Variants in MAP3K7CL observed in about 807,000 individuals in gnomAD.
MAP3K7CL encodes MAP3K7 C-terminal like.
In MAP3K7CL, 16 loss-of-function variants were observed where a neutral mutation model predicts 18.6. The observed-to-expected ratio is 0.86, with a 90% CI of 0.58 to 1.31. The LOEUF is 1.31. Among genes scored for constraint, MAP3K7CL ranks in the 50% most tolerant of loss-of-function variants. The pLI, the probability that MAP3K7CL is intolerant of heterozygous loss-of-function variation, is 0.00. For synonymous variants in MAP3K7CL, 65 were observed against 66.8 expected, an observed-to-expected ratio of 0.97 and a Z score of 0.13; for missense variants, 163 against 174.4, an observed-to-expected ratio of 0.93 and a Z score of 0.37.
At chr21:29,081,592 C>T (rs766284174), upstream of MAP3K7CL, among the ~76,000 whole-genome samples, 2 of 152,236 alleles carry the variant, frequency 1.3e-5, no homozygotes, top group Non-Finnish European at 1.5e-5. Flanking sequence ...AGTATCTGGC[C>T]TTCCCAACTT....
intron 4 of MAP3K7CL, among the ~76,000 whole-genome samples, chr21:29,101,792 T>C (rs1196873756): frequency 6.6e-6 from 1 of 152,218 alleles, no homozygotes; most frequent in Non-Finnish European, 1.5e-5. Context: ...AGTAAAAACT[T>C]GTAAGTGTTC....
At chr21:29,136,361 AGGAAAACCCC>A (rs1378524906) in intron 2 of MAP3K7CL, among the ~76,000 whole-genome samples, 3 of 152,136 alleles carry the variant, frequency 2.0e-5, no homozygotes, top group Non-Finnish European at 2.9e-5. Context: ...GGGGAAACAA[AGGAAAACCCC>A]CTAGACTTTC....
intron 2 of MAP3K7CL, among the ~76,000 whole-genome samples, chr21:29,148,695 C>T (rs1601242862): frequency 6.6e-6 from 1 of 152,286 alleles, no homozygotes; most frequent in South Asian, 2.1e-4. Context: ...GAATGAGTTT[C>T]TGGTTAACTG....
At chr21:29,139,895 CTTTTTT>C (rs5843369) in intron 2 of MAP3K7CL, among the ~76,000 whole-genome samples, 13 of 67,362 alleles carry the variant, frequency 1.9e-4, no homozygotes, top group Admixed American at 1.7e-3. Context: ...CCATCTCTGG[CTTTTTT>C]TTTTTTTTTT....
chr21:29,080,647 C>A (rs890609090), intron 1 of MAP3K7CL: 3 of 152,160 alleles, frequency 2.0e-5, no homozygotes, highest in African/African-American at 4.8e-5. Context: ...TGATATCGGT[C>A]CATCTAGTGG....
chr21:29,091,572 C>T (rs1601132626), exon 2 of MAP3K7CL: 2 of 701,226 alleles, frequency 2.9e-6, no homozygotes, highest in Non-Finnish European at 2.6e-6. Context: ...ACCTCCTGGG[C>T]CCAGGTAATT....
Position 29,131,036 on chromosome 21 carries a change from C to T in MAP3K7CL, c.-40+113C>T, listed in dbSNP as rs538501784. On this transcript the variant is annotated intron_variant, in intron 1 of 4. Transcript: ENST00000399928. ...GGAACCTGTGGTTCGTTTCCCCAGA[C>T]GGTGTGATGAAAAGGCAAGTTGGTG... The T allele has an allele frequency of 2.9e-5, 19 of 649,780 alleles. No homozygotes were observed. The South Asian group carries it at 3.4e-4, about 12-fold the overall frequency. The allele number at this position is 649,780 out of a possible 1,614,324, so 40.3% of individuals were successfully genotyped here.
At chr21:29,133,128 T>G (rs1287390303) in intron 1 of MAP3K7CL, among the ~76,000 whole-genome samples, 178 bp from the exon 2 acceptor site, 2 of 152,174 alleles carry the variant, frequency 1.3e-5, no homozygotes, top group Admixed American at 6.5e-5. Context: ...AAAAAAAGAT[T>G]TAAATGGGGC....
chr21:29,145,620 C>T (rs373977397), intron 2 of MAP3K7CL: 55 of 152,164 alleles, frequency 3.6e-4, no homozygotes, highest in African/African-American at 1.3e-3. Context: ...TAAGCAGCTT[C>T]GCAAGCCCTG....
upstream of MAP3K7CL, among the ~76,000 whole-genome samples, chr21:29,085,534 C>G (rs113406162): frequency 7.6e-6 from 1 of 131,858 alleles, no homozygotes; most frequent in Admixed American, 8.2e-5. Context: ...GTGACAGAGC[C>G]AGACTCTGTC....
intron 2 of MAP3K7CL, among the ~76,000 whole-genome samples, chr21:29,134,239 C>T (rs1019143680): frequency 1.3e-5 from 2 of 152,072 alleles, no homozygotes; most frequent in South Asian, 2.1e-4. Flanking sequence ...AATGATTGGC[C>T]GAGCATGGTG....
intron 2 of MAP3K7CL, among the ~76,000 whole-genome samples, 169 bp downstream of exon 2, chr21:29,133,583 C>T (rs1448231136): frequency 6.6e-6 from 1 of 152,184 alleles, no homozygotes. Flanking sequence ...CCAGAAATGC[C>T]TCTAGTGATG....
intron 4 of MAP3K7CL, among the ~76,000 whole-genome samples, chr21:29,171,933 T>C (rs55955024): frequency 1.3e-5 from 2 of 151,740 alleles, no homozygotes; most frequent in East Asian, 3.9e-4. Flanking sequence ...CTTTCTCTCA[T>C]ACACACACAT....
intron 4 of MAP3K7CL, among the ~76,000 whole-genome samples, chr21:29,098,857 A>G (rs1015766098): frequency 1.3e-5 from 2 of 152,140 alleles, no homozygotes; most frequent in Admixed American, 6.5e-5. Context: ...TCTCTACCTT[A>G]TCTGCTCATT....
chr21:29,144,827 G>A (rs1384255562), intron 2 of MAP3K7CL, among the ~76,000 whole-genome samples: 1 of 152,188 alleles, frequency 6.6e-6, no homozygotes, highest in Non-Finnish European at 1.5e-5. Context: ...CAATTGAAGG[G>A]AATCTACAAA....
At chr21:29,090,096 A>T (rs2085997119) in intron 1 of MAP3K7CL, among the ~76,000 whole-genome samples, 2 of 152,152 alleles carry the variant, frequency 1.3e-5, no homozygotes, top group African/African-American at 4.8e-5. Flanking sequence ...TGAAATGTTA[A>T]CTCATCCATT....
upstream of MAP3K7CL, chr21:29,127,691 C>T (rs989467194): frequency 6.6e-6 from 1 of 152,038 alleles, no homozygotes; most frequent in African/African-American, 2.4e-5. Context: ...CTTTGTAGCC[C>T]TTTACCAACT....
At position 29,175,492 on chromosome 21, in the gene MAP3K7CL, T is replaced by G. The variant is rs780901322; in HGVS notation, c.*600T>G. The G allele has an allele frequency of 3.9e-5, 6 of 152,212 alleles. No homozygotes were observed. Among genetic ancestry groups the G allele is most frequent in the African/African-American group, 1.4e-4 (6 of 41,444 alleles). 9.4% of individuals were successfully genotyped at this position (152,212 alleles called of 1,614,324 possible). On this transcript the variant is annotated 3_prime_UTR_variant, in exon 5 of 5. Coordinates refer to ENST00000399928, the MANE Select transcript of MAP3K7CL (RefSeq NM_001286620.2). ...TTCATGAAATTATTAGCAGAAACCA[T>G]GTTTGTAACCAAAGCACATTTGCCA...
At chr21:29,173,094 CAG>C (rs767722045) in intron 4 of MAP3K7CL, among the ~76,000 whole-genome samples, 15 of 152,058 alleles carry the variant, frequency 9.9e-5, no homozygotes, top group Non-Finnish European at 1.9e-4. Context: ...TACTTTAAAA[CAG>C]GGGTTCAAAA....
Sources: gnomAD v4.1 joint callset for allele counts (sites outside exome capture counted in the v4.1 genomes callset) on GRCh38, gnomAD v4.1.1 for gene constraint, MANE v1.5 for transcripts, NCBI Gene and HGNC (gene_info 2026-07-23, HGNC 2026-07-21) for gene names.